The following ARHGAP15 variants were observed in gnomAD, a reference collection of about 807,000 sequenced individuals.
The protein encoded by ARHGAP15 is rho GTPase-activating protein 15.
Under a neutral mutation model 63.7 loss-of-function variants are expected in ARHGAP15, and 51 were observed. That is an observed-to-expected ratio of 0.80 (90% CI 0.64 to 1.01). The LOEUF (loss-of-function observed/expected upper bound fraction) is 1.01, where lower values mean the gene tolerates loss of function less well. Among genes scored for constraint, ARHGAP15 ranks in the 50% least tolerant of loss-of-function variants. ARHGAP15 has a pLI of 0.00. For missense variants in ARHGAP15, 560 were observed against 564.6 expected, an observed-to-expected ratio of 0.99 and a Z score of 0.08; for synonymous variants, 191 against 193.8, an observed-to-expected ratio of 0.99 and a Z score of 0.12.
intron 12 of ARHGAP15, among the ~76,000 whole-genome samples, chr2:143,651,638 G>A (rs1238459537): frequency 1.3e-5 from 2 of 151,904 alleles, no homozygotes; most frequent in Non-Finnish European, 2.9e-5. Flanking sequence ...AACTTTAACT[G>A]CCAAACTGTA....
chr2:143,166,680 A>G (rs910289106), intron 2 of ARHGAP15, among the ~76,000 whole-genome samples: 2 of 152,150 alleles, frequency 1.3e-5, no homozygotes, highest in Non-Finnish European at 2.9e-5. Flanking sequence ...CCTGTAAAAA[A>G]GAGACGTTCA....
chr2:143,347,955 T>C (rs1334657413), intron 6 of ARHGAP15, among the ~76,000 whole-genome samples: 1 of 152,108 alleles, frequency 6.6e-6, no homozygotes, highest in East Asian at 1.9e-4. Context: ...GTAAGTTATT[T>C]TGTGTGAGCC....
At chr2:143,695,222 A>G (rs1233791154) in intron 12 of ARHGAP15, among the ~76,000 whole-genome samples, 1 of 152,208 alleles carries the variant, frequency 6.6e-6, no homozygotes, top group Non-Finnish European at 1.5e-5. Context: ...GGAAAATTGA[A>G]TTAGAGAAAT....
intron 6 of ARHGAP15, among the ~76,000 whole-genome samples, chr2:143,407,787 A>G (rs1303688020): frequency 6.6e-6 from 1 of 150,880 alleles, no homozygotes; most frequent in African/African-American, 2.4e-5. Flanking sequence ...TTCTTGTAAT[A>G]CTGAATTCTT....
chr2:143,441,296 C>G (rs956750021), intron 8 of ARHGAP15, among the ~76,000 whole-genome samples: 4 of 152,052 alleles, frequency 2.6e-5, no homozygotes, highest in Non-Finnish European at 5.9e-5. Context: ...AGCAGCTGGT[C>G]TTTCCCCTGG....
At chr2:143,167,277 C>G (rs1690580255) in intron 2 of ARHGAP15, among the ~76,000 whole-genome samples, 1 of 152,050 alleles carries the variant, frequency 6.6e-6, no homozygotes, top group Non-Finnish European at 1.5e-5. Context: ...TTATTCTTAT[C>G]TATTCTTTAT....
chr2:143,507,594 G>C (rs1048050169), intron 9 of ARHGAP15, among the ~76,000 whole-genome samples: 1 of 152,096 alleles, frequency 6.6e-6, no homozygotes, highest in African/African-American at 2.4e-5. Flanking sequence ...ATGCAGCTTC[G>C]AATTCCATCT....
At chr2:143,568,989 A>T (rs1441488422) in intron 11 of ARHGAP15, among the ~76,000 whole-genome samples, 1 of 152,136 alleles carries the variant, frequency 6.6e-6, no homozygotes, top group Non-Finnish European at 1.5e-5. Context: ...CAGGGTAGGG[A>T]ACATCACACA....
intron 3 of ARHGAP15, among the ~76,000 whole-genome samples, chr2:143,211,264 A>G (rs1256106038): frequency 6.6e-6 from 1 of 151,088 alleles, no homozygotes; most frequent in Non-Finnish European, 1.5e-5. Flanking sequence ...AGGCAAAATA[A>G]ATAAATAAAT....
chr2:143,496,193 T>C (rs938545133), intron 9 of ARHGAP15, among the ~76,000 whole-genome samples: 6 of 152,124 alleles, frequency 3.9e-5, no homozygotes, highest in Non-Finnish European at 4.4e-5. Context: ...GTGTTGGTAA[T>C]ACAGTACCAC....
rs140876059 is a variant in ARHGAP15 at position 143,622,417 on chromosome 2, C to T, written c.1004-1716C>T. ...ACAGATTTCAACAATGTGAAAACCC[C>T]GTTCTTTAAAGTGACAGTAAACCCC... On this transcript the variant is annotated intron_variant, in intron 11 of 13. Transcript: ENST00000295095. Among the ~76,000 whole-genome samples the T allele has an allele frequency of 1.4e-4, 21 of 152,128 alleles. No homozygotes were observed. In the East Asian group the frequency reaches 3.7e-3, roughly 27 times the overall value.
At chr2:143,149,755 A>T (rs1399422810) in intron 1 of ARHGAP15, among the ~76,000 whole-genome samples, 1 of 152,056 alleles carries the variant, frequency 6.6e-6, no homozygotes, top group African/African-American at 2.4e-5. Flanking sequence ...AAAGTAAGAA[A>T]ATTGGTCAAA....
chr2:143,553,096 T>C (rs1349359714), intron 10 of ARHGAP15, among the ~76,000 whole-genome samples: 2 of 152,184 alleles, frequency 1.3e-5, no homozygotes. Context: ...TGAATAATTG[T>C]AATTTGGGTA....
intron 10 of ARHGAP15, among the ~76,000 whole-genome samples, chr2:143,554,146 T>C (rs1270319825): frequency 2.0e-5 from 3 of 152,212 alleles, no homozygotes; most frequent in Non-Finnish European, 4.4e-5. Context: ...ATTTGATTGA[T>C]TTTTTAAAAA....
intron 6 of ARHGAP15, among the ~76,000 whole-genome samples, chr2:143,421,924 G>A (rs10205363): frequency 0.014 from 2,124 of 151,864 alleles, 15 homozygotes; most frequent in Non-Finnish European, 0.02. Flanking sequence ...CAAGAAAGAG[G>A]TACTGATTGG....
intron 2 of ARHGAP15, among the ~76,000 whole-genome samples, chr2:143,180,033 T>C (rs1401516021): frequency 3.3e-5 from 5 of 152,110 alleles, no homozygotes; most frequent in Admixed American, 1.3e-4. Context: ...CTGATCAGGG[T>C]GGTGATTTCT....
Position 143,326,975 on chromosome 2 carries a change from GTC to G in ARHGAP15, c.474+76379_474+76380del, listed in dbSNP as rs546304538. On this transcript the variant is annotated intron_variant, in intron 6 of 13. Transcript: ENST00000295095. ...AAATAGGAAGAAAGGAAGTCAGATT[GTC>G]TCTGTTTGCAGATGACATGATTGTA... Among the ~76,000 whole-genome samples the G allele has an allele frequency of 4.6e-5, 7 of 152,290 alleles. No individual in the cohort carries two copies. In the South Asian group the frequency reaches 1.2e-3, roughly 27 times the overall value.
chr2:143,378,787 A>G (rs1346018573), intron 6 of ARHGAP15, among the ~76,000 whole-genome samples: 2 of 152,044 alleles, frequency 1.3e-5, no homozygotes, highest in Admixed American at 6.6e-5. Flanking sequence ...GGAGAAGTCA[A>G]AGATTTGAAT....
chr2:143,686,512 A>G (rs1431891849), intron 12 of ARHGAP15, among the ~76,000 whole-genome samples: 1 of 150,386 alleles, frequency 6.6e-6, no homozygotes, highest in Non-Finnish European at 1.5e-5. Flanking sequence ...GTCTAATTCT[A>G]TTTAAAATAT....
Sources: gnomAD v4.1 joint callset for allele counts (sites outside exome capture counted in the v4.1 genomes callset) on GRCh38, gnomAD v4.1.1 for gene constraint, MANE v1.5 for transcripts, NCBI Gene and HGNC (gene_info 2026-07-23, HGNC 2026-07-21) for gene names.